FNDC3B: variants seen among roughly 807,000 people sequenced by gnomAD.
FNDC3B encodes the protein fibronectin type III domain-containing protein 3B.
FNDC3B carries 12 observed loss-of-function variants against 151.5 expected under a neutral mutation model. The observed-to-expected ratio is 0.08, with a 90% CI of 0.05 to 0.13. The LOEUF is 0.13. FNDC3B is among the 10% of genes least tolerant of loss of function. The probability of loss-of-function intolerance (pLI) is 1.00; values close to 1 mark genes in which losing one functional copy is unlikely to be tolerated. For missense variants in FNDC3B, 1,214 were observed against 1,505.3 expected (o/e 0.81, Z 3.20); for synonymous variants, 528 against 549.0 (o/e 0.96, Z 0.54).
chr3:172,327,670 CTGGGATTACAG>C (rs1208674218), intron 11 of FNDC3B, among the ~76,000 whole-genome samples: 1 of 152,214 alleles, frequency 6.6e-6, no homozygotes, highest in African/African-American at 2.4e-5. Context: ...TCCCAAAGTG[CTGGGATTACAG>C]GCGTGAGCCA....
At chr3:172,122,440 C>T (rs1369624285) in intron 2 of FNDC3B, among the ~76,000 whole-genome samples, 3 of 152,262 alleles carry the variant, frequency 2.0e-5, no homozygotes, top group Non-Finnish European at 2.9e-5. Flanking sequence ...TTGGCCAGAA[C>T]TAGATGCCTC....
At chr3:172,282,762 G>A (rs1455668703) in intron 6 of FNDC3B, among the ~76,000 whole-genome samples, 2 of 152,128 alleles carry the variant, frequency 1.3e-5, no homozygotes, top group Non-Finnish European at 2.9e-5. Context: ...CTCTCCCTCA[G>A]GATCCCTAGA....
chr3:172,308,529 C>T (rs752213701), intron 10 of FNDC3B, among the ~76,000 whole-genome samples: 2 of 152,074 alleles, frequency 1.3e-5, no homozygotes, highest in African/African-American at 2.4e-5. Context: ...TCATTTCTGG[C>T]CCAGAGAGTC....
rs375291962 is a variant in FNDC3B at position 172,226,860 on chromosome 3, G to A, written c.188-11G>A. ...TTCTTCAGCTATTAACATCTGACTC[G>A]TCTGTTTTAGGACCTGCTGAAGTTC... On this transcript the variant is annotated splice_polypyrimidine_tract_variant and intron_variant, in intron 3 of 25. Transcript: ENST00000415807. 1.4e-5 allele frequency: 22 copies of A among 1,577,168 alleles called. No individual in the cohort carries two copies. The highest frequency in any genetic ancestry group is 1.1e-4 in the South Asian group (10 of 90,208).
At chr3:172,087,819 G>T (rs1448024476) in intron 1 of FNDC3B, among the ~76,000 whole-genome samples, 1 of 152,168 alleles carries the variant, frequency 6.6e-6, no homozygotes, top group Non-Finnish European at 1.5e-5. Context: ...TTCTCCATTT[G>T]TGATCTTTCT....
At chr3:172,126,914 G>C in intron 2 of FNDC3B, 2 of 398,780 alleles carry the variant, frequency 5.0e-6, no homozygotes, top group South Asian at 1.8e-5. Flanking sequence ...TTAGATTTCA[G>C]AACTTCTGTG....
intron 3 of FNDC3B, among the ~76,000 whole-genome samples, chr3:172,166,393 T>C (rs1377991595): frequency 1.3e-5 from 2 of 152,156 alleles, no homozygotes; most frequent in Non-Finnish European, 2.9e-5. Flanking sequence ...CCATATAAGG[T>C]GTGTAGAGCG....
At chr3:172,043,119 G>A (rs1026891997) in intron 1 of FNDC3B, among the ~76,000 whole-genome samples, 2 of 152,050 alleles carry the variant, frequency 1.3e-5, no homozygotes, top group Non-Finnish European at 2.9e-5. Flanking sequence ...TTTTCACCAT[G>A]TTAGCCAGGC....
chr3:172,182,813 G>A (rs559428984), intron 3 of FNDC3B, among the ~76,000 whole-genome samples: 1 of 152,302 alleles, frequency 6.6e-6, no homozygotes, highest in South Asian at 2.1e-4. Flanking sequence ...ATGAACTTGA[G>A]GTGTGTGAAT....
At chr3:172,090,828 A>G (rs1031970761) in intron 1 of FNDC3B, among the ~76,000 whole-genome samples, 2 of 152,192 alleles carry the variant, frequency 1.3e-5, no homozygotes, top group African/African-American at 2.4e-5. Flanking sequence ...ACTTTGTTTC[A>G]TGTATAATAT....
chr3:172,169,525 G>T (rs1312586729), intron 3 of FNDC3B, among the ~76,000 whole-genome samples: 1 of 152,230 alleles, frequency 6.6e-6, no homozygotes, highest in African/African-American at 2.4e-5. Flanking sequence ...CAACCTTGAA[G>T]AGCAGTGGAG....
intron 6 of FNDC3B, among the ~76,000 whole-genome samples, chr3:172,264,724 G>A (rs1728829199): frequency 6.6e-6 from 1 of 152,140 alleles, no homozygotes; most frequent in South Asian, 2.1e-4. Context: ...ACATGAGAAG[G>A]ATGTTTTTAA....
At chr3:172,117,328 C>T (rs1720308774) in intron 2 of FNDC3B, among the ~76,000 whole-genome samples, 1 of 152,086 alleles carries the variant, frequency 6.6e-6, no homozygotes, top group Non-Finnish European at 1.5e-5. Flanking sequence ...GATGAATGCC[C>T]TTCAATAATC....
chr3:172,263,046 T>A (rs1433413365), intron 6 of FNDC3B, among the ~76,000 whole-genome samples: 1 of 150,526 alleles, frequency 6.6e-6, no homozygotes, highest in Non-Finnish European at 1.5e-5. Flanking sequence ...TAAAACCAAA[T>A]TCACTCTCAT....
intron 24 of FNDC3B, 25 bp from the exon 25 acceptor site, chr3:172,380,941 T>C: frequency 6.2e-7 from 1 of 1,611,026 alleles, no homozygotes; most frequent in Non-Finnish European, 8.5e-7. Flanking sequence ...AATTTTGAGC[T>C]TGGATGTGTG....
chr3:172,310,822 T>C lies in FNDC3B; in HGVS notation c.1201-6T>C. The C allele has an allele frequency of 6.2e-7, 1 of 1,607,998 alleles. No individual in the cohort carries two copies. Among genetic ancestry groups the C allele is most frequent in the Non-Finnish European group, 8.5e-7 (1 of 1,174,362 alleles). The stretch of plus-strand genomic sequence containing the variant: ...TTCTCTAATCTCATGTTACTATTTT[T>C]TTTAGGCACCAATTGACAACGGTTC... On this transcript the variant is annotated splice_polypyrimidine_tract_variant and splice_region_variant and intron_variant, in intron 10 of 25. Coordinates refer to ENST00000415807, the MANE Select transcript of FNDC3B (RefSeq NM_022763.4).
chr3:172,204,954 A>G (rs1261053347), intron 3 of FNDC3B, among the ~76,000 whole-genome samples: 1 of 152,238 alleles, frequency 6.6e-6, no homozygotes, highest in African/African-American at 2.4e-5. Flanking sequence ...TACATGTTCA[A>G]CACTGAACAG....
chr3:172,216,685 T>TA (rs747608500), intron 3 of FNDC3B, among the ~76,000 whole-genome samples: 4 of 152,072 alleles, frequency 2.6e-5, no homozygotes, highest in Non-Finnish European at 1.5e-5. Flanking sequence ...AATAAATAAA[T>TA]AAGTTTAAAT....
At chr3:172,257,569 T>TACAC (rs10582558) in intron 6 of FNDC3B, among the ~76,000 whole-genome samples, 4,916 of 143,816 alleles carry the variant, frequency 0.034, 110 homozygotes, top group Admixed American at 0.06. Context: ...CACGCATTCA[T>TACAC]ACACACACAC....
Sources: allele counts gnomAD v4.1 joint callset (sites outside exome capture counted in the v4.1 genomes callset), GRCh38; gene constraint gnomAD v4.1.1; transcripts MANE v1.5; gene names NCBI Gene and HGNC (gene_info 2026-07-23, HGNC 2026-07-21).